The following GCNT2 variants were observed in gnomAD, a reference collection of about 807,000 sequenced individuals.
The protein encoded by GCNT2 is N-acetyllactosaminide beta-1,6-N-acetylglucosaminyl-transferase.
In GCNT2, 34 loss-of-function variants were observed where a neutral mutation model predicts 34.2. The ratio of observed to expected loss-of-function variants is 1.00; its 90% CI spans 0.76 to 1.32. The LOEUF (loss-of-function observed/expected upper bound fraction) is 1.32, where lower values mean the gene tolerates loss of function less well. GCNT2 is among the 40% of genes most tolerant of loss of function. The pLI is 0.00. For synonymous variants in GCNT2, 212 were observed against 188.0 expected (o/e 1.13, Z -1.04); for missense variants, 584 against 489.4 (o/e 1.19, Z -1.82).
intron 3 of GCNT2, among the ~76,000 whole-genome samples, chr6:10,613,750 T>C (rs1280765649): frequency 1.3e-5 from 2 of 152,224 alleles, no homozygotes; most frequent in African/African-American, 2.4e-5. Context: ...TACAGTGTTT[T>C]TTCTGTGGGT....
chr6:10,617,743 A>ATTTTTTTTTTTTTTTTTTT (rs1254996839), intron 3 of GCNT2, among the ~76,000 whole-genome samples: 4 of 112,788 alleles, frequency 3.5e-5, no homozygotes, highest in Non-Finnish European at 3.2e-5. Flanking sequence ...CAGAGTCTGC[A>ATTTTTTTTTTTTTTTTTTT]TTTCTTCTTT....
At chr6:10,557,828 T>C (rs1762792729) in intron 3 of GCNT2, 2 of 159,392 alleles carry the variant, frequency 1.3e-5, no homozygotes, top group East Asian at 1.8e-4. Context: ...TCACATGTTC[T>C]AGCACTACTA....
At chr6:10,533,868 T>C (rs1475673303) in intron 3 of GCNT2, among the ~76,000 whole-genome samples, 2 of 150,694 alleles carry the variant, frequency 1.3e-5, no homozygotes, top group Non-Finnish European at 1.5e-5. Context: ...TCACTTTTAC[T>C]TGTGGCCTGT....
chr6:10,626,583 G>A lies in GCNT2; in HGVS notation c.1185G>A (p.Ala395=), dbSNP rs139955928. The A allele has an allele frequency of 3.4e-5, 55 of 1,613,540 alleles. No homozygotes were observed. Among genetic ancestry groups the A allele is most frequent in the East Asian group, 2.2e-5 (1 of 44,888 alleles). ...RERTLNQSET[A]IQPSWYF is the part of the protein sequence containing the mutation. ...GAACCCTCAATCAGAGTGAAACTGC[G>A]ATACAACCCAGCTGGTATTTTTGAG... Residue 395 remains alanine (A), a synonymous_variant, in exon 5 of 5, where the codon GCG becomes GCA. Coordinates refer to ENST00000495262, the MANE Select transcript of GCNT2 (RefSeq NM_145649.5).
chr6:10,572,290 T>C (rs145856304), intron 3 of GCNT2, among the ~76,000 whole-genome samples: 10 of 152,294 alleles, frequency 6.6e-5, no homozygotes, highest in African/African-American at 2.2e-4. Context: ...TTACAACATA[T>C]TGAAGGGTAA....
chr6:10,579,832 A>AC (rs796723023), intron 3 of GCNT2, among the ~76,000 whole-genome samples: 1,944 of 146,442 alleles, frequency 0.013, 68 homozygotes, highest in African/African-American at 0.048. Context: ...CAAACAAAAA[A>AC]AAAAAAAAAA....
At chr6:10,568,510 C>T (rs1228092786) in intron 3 of GCNT2, among the ~76,000 whole-genome samples, 1 of 152,192 alleles carries the variant, frequency 6.6e-6, no homozygotes, top group African/African-American at 2.4e-5. Context: ...CTCTCTGGCC[C>T]GAGTCTCCCT....
intron 3 of GCNT2, among the ~76,000 whole-genome samples, chr6:10,605,933 C>T (rs1483409876): frequency 6.6e-6 from 1 of 152,196 alleles, no homozygotes; most frequent in Non-Finnish European, 1.5e-5. Flanking sequence ...GGCGTTCTCC[C>T]CAATGATCTC....
At chr6:10,558,516 G>A (rs1298367210) in intron 3 of GCNT2, among the ~76,000 whole-genome samples, 3 of 152,150 alleles carry the variant, frequency 2.0e-5, no homozygotes, top group African/African-American at 4.8e-5. Flanking sequence ...TTACCAGACC[G>A]ATTGTTTTTT....
intron 1 of GCNT2, among the ~76,000 whole-genome samples, chr6:10,524,295 G>T (rs1025547418): frequency 6.6e-6 from 1 of 150,756 alleles, no homozygotes; most frequent in African/African-American, 2.4e-5. Context: ...TTGTTGCCTG[G>T]GCTGGAGTGC....
intron 3 of GCNT2, among the ~76,000 whole-genome samples, chr6:10,532,160 A>G (rs547684215): frequency 2.0e-5 from 3 of 152,088 alleles, no homozygotes; most frequent in African/African-American, 7.2e-5. Flanking sequence ...ATTGGACCGG[A>G]TGGCCTCCGA....
chr6:10,556,545 C>G, intron 3 of GCNT2: 1 of 1,614,140 alleles, frequency 6.2e-7, no homozygotes, highest in Non-Finnish European at 8.5e-7. Context: ...ATCTCAGACC[C>G]TTTGAGGCTG....
chr6:10,577,528 C>T (rs529809186), intron 3 of GCNT2, among the ~76,000 whole-genome samples: 4 of 152,118 alleles, frequency 2.6e-5, no homozygotes, highest in South Asian at 2.1e-4. Context: ...TTGTTGAATG[C>T]GTTTATTTTT....
intron 3 of GCNT2, among the ~76,000 whole-genome samples, chr6:10,620,157 G>C (rs1428400989): frequency 1.3e-5 from 2 of 152,194 alleles, no homozygotes; most frequent in Non-Finnish European, 2.9e-5. Context: ...TGTTCTGCAT[G>C]TGTGTGTTTG....
At chr6:10,599,136 G>A (rs572363633) in intron 3 of GCNT2, among the ~76,000 whole-genome samples, 28 of 152,204 alleles carry the variant, frequency 1.8e-4, no homozygotes, top group South Asian at 1.7e-3. Flanking sequence ...AATTCCCTCC[G>A]TCCCTCAGCT....
At chr6:10,601,266 C>T (rs1765076853) in intron 3 of GCNT2, among the ~76,000 whole-genome samples, 1 of 152,076 alleles carries the variant, frequency 6.6e-6, no homozygotes, top group South Asian at 2.1e-4. Flanking sequence ...AAAGTAAGTA[C>T]AGCATTTAAT....
At chr6:10,546,984 G>C (rs917749618) in intron 3 of GCNT2, among the ~76,000 whole-genome samples, 1 of 151,726 alleles carries the variant, frequency 6.6e-6, no homozygotes, top group East Asian at 1.9e-4. Context: ...ATGATTTTAT[G>C]TCCTACCTTA....
chr6:10,557,102 A>T, intron 3 of GCNT2: 1 of 1,571,872 alleles, frequency 6.4e-7, no homozygotes, highest in Non-Finnish European at 8.6e-7. Context: ...AATTGGACGG[A>T]CTAAATATGT....
rs1235729790 is a variant in GCNT2 at position 10,527,528 on chromosome 6, A to G, written c.-414A>G. ...TACATGAGCTCGGCGCCAATGGAACATGCTTTCACACCGGGTGCAGCTAAC... is the reference window on the plus strand; with the variant it reads ...TACATGAGCTCGGCGCCAATGGAACGTGCTTTCACACCGGGTGCAGCTAAC... On this transcript the variant is annotated 5_prime_UTR_variant, in exon 2 of 5. It removes an upstream start codon present in the reference 5' UTR. Coordinates refer to ENST00000495262, the MANE Select transcript of GCNT2 (RefSeq NM_145649.5). The G allele has an allele frequency of 6.6e-6, 1 of 152,248 alleles. No individual in the cohort carries two copies. Among genetic ancestry groups the G allele is most frequent in the East Asian group, 1.9e-4 (1 of 5,202 alleles). The allele number at this position is 152,248 out of a possible 1,614,324, so 9.4% of individuals were successfully genotyped here.
Sources: allele counts gnomAD v4.1 joint callset (sites outside exome capture counted in the v4.1 genomes callset), GRCh38; gene constraint gnomAD v4.1.1; transcripts MANE v1.5; gene names NCBI Gene and HGNC (gene_info 2026-07-23, HGNC 2026-07-21).